Variants in OXSR1 observed in about 807,000 individuals in gnomAD.
OXSR1 encodes the protein oxidative stress responsive kinase 1, also known as serine/threonine-protein kinase OSR1.
Under a neutral mutation model 79.8 loss-of-function variants are expected in OXSR1, and 24 were observed. The observed-to-expected ratio is 0.30, with a 90% CI of 0.22 to 0.42. The LOEUF (loss-of-function observed/expected upper bound fraction) is 0.42. Among genes scored for constraint, OXSR1 ranks in the 10% least tolerant of loss-of-function variants. The pLI is 1.00. For missense variants in OXSR1, 430 were observed against 618.4 expected, an observed-to-expected ratio of 0.70 and a Z score of 3.23; for synonymous variants, 226 against 209.2, an observed-to-expected ratio of 1.08 and a Z score of -0.69.
rs1379993593 is a variant in OXSR1 at position 38,198,812 on chromosome 3, G to A, written c.383G>A (p.Arg128Gln). The A allele has an allele frequency of 6.2e-6, 10 of 1,613,336 alleles. No individual in the cohort carries two copies. In the East Asian group the frequency reaches 1.1e-4, roughly 18 times the overall value. The change falls in exon 4 of 18, where the codon CGA (arginine) becomes CAA (glutamine). Residue 128 changes from arginine (R) to glutamine (Q), a missense_variant. Around this residue, in one of 3 missense-constraint regions of OXSR1, gnomAD observed 145 missense variants for 228.3 expected, o/e 0.64. Coordinates refer to ENST00000311806, the MANE Select transcript of OXSR1 (RefSeq NM_005109.3). ...LDESTIATILREVLEGLEYLH... is the reference protein window; with the variant it reads ...LDESTIATILQEVLEGLEYLH... The stretch of plus-strand genomic sequence containing the variant: ...GAATCTACCATTGCTACGATACTCC[G>A]AGAAGTACTGGAAGGGCTGGAATAT...
rs71085304 is a variant in OXSR1, at chr3:38,185,946, C to CAAA, written c.183+2860_183+2862dup. Among the ~76,000 whole-genome samples, 64 of 32,126 alleles carry CAAA rather than the reference C, an allele frequency of 2.0e-3. 7 individuals are homozygous for CAAA. Among genetic ancestry groups the CAAA allele is most frequent in the African/African-American group, 5.7e-3 (42 of 7,354 alleles). The allele number at this position is 32,126 out of a possible 152,430, so 21.1% of individuals were successfully genotyped here. A position where few individuals can be genotyped will look rare whatever the true frequency, so the allele number is the denominator to read the frequency against. ...GGTGACACAGAGTGAGGCCCTGTCT[C>CAAA]AAAAAAAAAAAAAAAAAAAAAAAAA... On this transcript the variant is annotated intron_variant, in intron 2 of 17. Coordinates refer to ENST00000311806, the MANE Select transcript of OXSR1 (RefSeq NM_005109.3).
At chr3:38,250,083 G>A (rs1319287039) in intron 15 of OXSR1, 65 bp downstream of exon 15, 2 of 1,113,360 alleles carry the variant, frequency 1.8e-6, no homozygotes, top group South Asian at 1.3e-5. Context: ...AATGTGTTGT[G>A]AAGTTTCTGT....
At chr3:38,166,282 G>T (rs1024479122) in intron 1 of OXSR1, among the ~76,000 whole-genome samples, 1 of 152,160 alleles carries the variant, frequency 6.6e-6, no homozygotes, top group Non-Finnish European at 1.5e-5. Flanking sequence ...TTCCGAGGCT[G>T]TGTGAGAAAT....
chr3:38,199,625 G>A (rs1050131217), intron 4 of OXSR1, among the ~76,000 whole-genome samples: 1 of 152,144 alleles, frequency 6.6e-6, no homozygotes, highest in Admixed American at 6.5e-5. Context: ...TAGGTTTTGT[G>A]TATAGGTCCT....
chr3:38,215,403 T>C (rs1447834043), intron 4 of OXSR1, among the ~76,000 whole-genome samples: 1 of 152,146 alleles, frequency 6.6e-6, no homozygotes. Context: ...CTCTTAGGAT[T>C]TGGGGATTTT....
At chr3:38,169,303 T>TG (rs1559497414) in intron 1 of OXSR1, among the ~76,000 whole-genome samples, 3 of 152,024 alleles carry the variant, frequency 2.0e-5, no homozygotes, top group East Asian at 3.9e-4. Context: ...TTGTTTTTTT[T>TG]TTTGTTTGTT....
intron 2 of OXSR1, among the ~76,000 whole-genome samples, chr3:38,189,765 G>C (rs761446004): frequency 6.6e-6 from 1 of 152,208 alleles, no homozygotes; most frequent in Non-Finnish European, 1.5e-5. Context: ...TGAGCTTACA[G>C]TTTTGTGGGG....
At chr3:38,247,263 G>T (rs1296765763) in intron 13 of OXSR1, among the ~76,000 whole-genome samples, 2 of 152,186 alleles carry the variant, frequency 1.3e-5, no homozygotes, top group African/African-American at 4.8e-5. Context: ...GTATGGGTTG[G>T]ATGGATTTCT....
chr3:38,178,743 G>T (rs1175988681), intron 1 of OXSR1, among the ~76,000 whole-genome samples: 1 of 150,688 alleles, frequency 6.6e-6, no homozygotes, highest in East Asian at 1.9e-4. Flanking sequence ...CTCCTGAAGT[G>T]CTAGGTCTAT....
intron 14 of OXSR1, among the ~76,000 whole-genome samples, chr3:38,249,103 T>A (rs1703203503): frequency 6.6e-6 from 1 of 152,210 alleles, no homozygotes; most frequent in Admixed American, 6.5e-5. Flanking sequence ...GATGGGTAGT[T>A]CTATTTTAAG....
chr3:38,229,153 T>C (rs1244487682), intron 8 of OXSR1, among the ~76,000 whole-genome samples: 4 of 152,174 alleles, frequency 2.6e-5, no homozygotes, highest in African/African-American at 9.7e-5. Context: ...ATTTGGGGAA[T>C]ATACTTTTAG....
intron 8 of OXSR1, among the ~76,000 whole-genome samples, chr3:38,226,051 T>C (rs1273372806): frequency 6.6e-6 from 1 of 152,104 alleles, no homozygotes; most frequent in Admixed American, 6.6e-5. Flanking sequence ...CCCTATGTTA[T>C]CCAGGAACCC....
At chr3:38,215,382 T>C (rs1009037247) in intron 4 of OXSR1, among the ~76,000 whole-genome samples, 1 of 152,158 alleles carries the variant, frequency 6.6e-6, no homozygotes, top group Non-Finnish European at 1.5e-5. Context: ...TATCAAGAAA[T>C]GGTTTTGCTA....
chr3:38,241,176 G>A (rs1166875599), intron 11 of OXSR1, among the ~76,000 whole-genome samples: 1 of 152,128 alleles, frequency 6.6e-6, no homozygotes, highest in Non-Finnish European at 1.5e-5. Context: ...CCAATGAGGG[G>A]CAGATGAACA....
chr3:38,186,096 A>C (rs957375546), intron 2 of OXSR1, among the ~76,000 whole-genome samples: 3 of 152,086 alleles, frequency 2.0e-5, no homozygotes, highest in Non-Finnish European at 4.4e-5. Context: ...ATAGATAGCA[A>C]GTCTGCTTGG....
chr3:38,178,620 ATTTTTTT>A (rs71085303), intron 1 of OXSR1, among the ~76,000 whole-genome samples: 24 of 95,126 alleles, frequency 2.5e-4, no homozygotes, highest in African/African-American at 8.0e-4. Flanking sequence ...ATATATATAT[ATTTTTTT>A]TTTTTTTTTT....
intron 4 of OXSR1, among the ~76,000 whole-genome samples, chr3:38,212,730 CATT>C (rs1308197606): frequency 6.6e-6 from 1 of 152,124 alleles, no homozygotes; most frequent in African/African-American, 2.4e-5. Context: ...TGAGAAATGA[CATT>C]AAGCAGTAAA....
rs1178389780 is a variant in OXSR1 at position 38,255,483 on chromosome 3, T to C, written c.*2592T>C. ...TTTTTAATCAATAAAGAGTAAATTG[T>C]CCTTAGTGGTGTATGGACGCTTTAT... On this transcript the variant is annotated 3_prime_UTR_variant, in exon 18 of 18. Transcript: ENST00000311806. The C allele has an allele frequency of 2.0e-5, 3 of 152,664 alleles. No individual in the cohort carries two copies. In the East Asian group the frequency reaches 5.8e-4, roughly 29 times the overall value. 9.5% of individuals were successfully genotyped at this position (152,664 alleles called of 1,614,324 possible). A position where few individuals can be genotyped will look rare whatever the true frequency, so the allele number is the denominator to read the frequency against.
At chr3:38,168,501 TAAAA>T (rs991909149) in intron 1 of OXSR1, among the ~76,000 whole-genome samples, 65 of 152,312 alleles carry the variant, frequency 4.3e-4, no homozygotes, top group African/African-American at 1.5e-3. Flanking sequence ...TTTTTTCATT[TAAAA>T]AAACAATTTT....
Sources: allele counts gnomAD v4.1 joint callset (sites outside exome capture counted in the v4.1 genomes callset), GRCh38; gene constraint gnomAD v4.1.1; regional missense constraint gnomAD v4.1.1; transcripts MANE v1.5; gene names NCBI Gene and HGNC (gene_info 2026-07-23, HGNC 2026-07-21).